CFAP54: variants seen among roughly 807,000 people sequenced by gnomAD.
CFAP54 encodes the protein cilia and flagella associated protein 54, also known as cilia- and flagella-associated protein 54.
In CFAP54, 290 loss-of-function variants were observed where a neutral mutation model predicts 370.4. That is an observed-to-expected ratio of 0.78 (90% CI 0.71 to 0.86). CFAP54 has a LOEUF of 0.86. Ranked by LOEUF, CFAP54 falls within the 40% of genes least tolerant of loss-of-function variation. The pLI is 0.00. For synonymous variants in CFAP54, 1,206 were observed against 1,236.5 expected (o/e 0.98, Z 0.52); for missense variants, 3,399 against 3,528.7 (o/e 0.96, Z 0.93).
At chr12:96,731,877 TTAAA>T (rs1487853175) in intron 50 of CFAP54, among the ~76,000 whole-genome samples, 1 of 151,850 alleles carries the variant, frequency 6.6e-6, no homozygotes, top group East Asian at 1.9e-4. Flanking sequence ...GCAACAAACT[TTAAA>T]AAAAAAGATC....
chr12:96,779,884 T>C (rs1330181159), intron 60 of CFAP54, among the ~76,000 whole-genome samples: 1 of 151,936 alleles, frequency 6.6e-6, no homozygotes, highest in East Asian at 1.9e-4. Context: ...TATGCAGTAG[T>C]CTAGATTGCA....
chr12:96,538,728 G>C, intron 13 of CFAP54: 1 of 518,400 alleles, frequency 1.9e-6, no homozygotes, highest in Non-Finnish European at 3.3e-6. Context: ...AATTTTGTTT[G>C]TTGTGAGGAG....
chr12:96,862,227 T>C (rs973680132), intron 67 of CFAP54, among the ~76,000 whole-genome samples: 1 of 152,184 alleles, frequency 6.6e-6, no homozygotes, highest in Non-Finnish European at 1.5e-5. Flanking sequence ...TAGCAAAGCA[T>C]TTAAGGATAA....
At chr12:96,732,743 A>G (rs1957935305) in intron 50 of CFAP54, among the ~76,000 whole-genome samples, 1 of 152,224 alleles carries the variant, frequency 6.6e-6, no homozygotes, top group South Asian at 2.1e-4. Flanking sequence ...ATGTATAGCT[A>G]TCTTTAAGGA....
chr12:96,547,996 G>T lies in CFAP54; in HGVS notation c.2154+18G>T, dbSNP rs1955658575. 1 of 1,191,740 alleles carries T rather than the reference G, an allele frequency of 8.4e-7. No individual in the cohort carries two copies. Among genetic ancestry groups the T allele is most frequent in the Non-Finnish European group, 1.1e-6 (1 of 870,900 alleles). The allele number at this position is 1,191,740 out of a possible 1,614,324, so 73.8% of individuals were successfully genotyped here. On this transcript the variant is annotated intron_variant, in intron 15 of 67. Coordinates refer to ENST00000524981, the MANE Select transcript of CFAP54 (RefSeq NM_001306084.2). ...TATTACAGGTATTACTACATATTTA[G>T]AAAATTTAGGTGAAACATGCAATTT...
At chr12:96,611,853 A>G (rs1418946408) in intron 26 of CFAP54, among the ~76,000 whole-genome samples, 1 of 152,228 alleles carries the variant, frequency 6.6e-6, no homozygotes, top group Non-Finnish European at 1.5e-5. Flanking sequence ...AAAAAAGAGT[A>G]AAAATAAATG....
intron 17 of CFAP54, among the ~76,000 whole-genome samples, chr12:96,558,086 T>TAG (rs1337097516): frequency 1.3e-5 from 2 of 152,118 alleles, no homozygotes; most frequent in Non-Finnish European, 2.9e-5. Flanking sequence ...AGCATATAGG[T>TAG]AGATGTAAGT....
At chr12:96,798,285 T>C (rs1462084516) in intron 63 of CFAP54, among the ~76,000 whole-genome samples, 1 of 152,078 alleles carries the variant, frequency 6.6e-6, no homozygotes. Context: ...AGAATTTCCT[T>C]TGGTGAGGAT....
intron 43 of CFAP54, 144 bp from the exon 44 acceptor site, chr12:96,690,984 A>G: frequency 3.0e-6 from 2 of 668,672 alleles, no homozygotes; most frequent in South Asian, 4.2e-5. Context: ...GATAATATAA[A>G]TGATAAGTAC....
chr12:96,553,350 A>G (rs1955716251), intron 15 of CFAP54, among the ~76,000 whole-genome samples: 1 of 152,054 alleles, frequency 6.6e-6, no homozygotes, highest in South Asian at 2.1e-4. Context: ...GTGATATTGC[A>G]TATGGTTAAG....
At chr12:96,762,796 G>T (rs112806198) in intron 58 of CFAP54, among the ~76,000 whole-genome samples, 1,729 of 150,684 alleles carry the variant, frequency 0.011, 21 homozygotes, top group Middle Eastern at 0.027. Context: ...TTTTTATCTT[G>T]GAATGGGGTT....
intron 32 of CFAP54, among the ~76,000 whole-genome samples, chr12:96,631,430 G>A (rs1956606470): frequency 6.6e-6 from 1 of 151,606 alleles, no homozygotes; most frequent in Admixed American, 6.6e-5. Context: ...ACATATGTAT[G>A]TAGCCCCAAA....
chr12:96,558,630 A>G (rs1444196716), intron 17 of CFAP54, among the ~76,000 whole-genome samples: 2 of 152,156 alleles, frequency 1.3e-5, no homozygotes, highest in Non-Finnish European at 2.9e-5. Flanking sequence ...CACTGGAGAA[A>G]AGACAGTCTT....
chr12:96,746,343 C>G (rs557283322), intron 55 of CFAP54, among the ~76,000 whole-genome samples: 7 of 152,226 alleles, frequency 4.6e-5, no homozygotes, highest in African/African-American at 1.7e-4. Context: ...AGAGTCTGCT[C>G]TCTTCCTCTT....
At chr12:96,724,368 C>T (rs1273624470) in intron 50 of CFAP54, among the ~76,000 whole-genome samples, 1 of 151,896 alleles carries the variant, frequency 6.6e-6, no homozygotes, top group East Asian at 1.9e-4. Flanking sequence ...GATTGCCATT[C>T]TAACTGGTGT....
intron 42 of CFAP54, 93 bp downstream of exon 42, chr12:96,685,331 A>G (rs1013309540): frequency 9.3e-7 from 1 of 1,078,892 alleles, no homozygotes; most frequent in South Asian, 1.4e-5. Context: ...CCTCATGCAC[A>G]CTGGATTTCT....
intron 27 of CFAP54, among the ~76,000 whole-genome samples, 161 bp downstream of exon 27, chr12:96,621,882 T>G (rs961217817): frequency 2.4e-5 from 3 of 123,180 alleles, no homozygotes; most frequent in African/African-American, 9.7e-5. Context: ...TTTGTTTTTT[T>G]TTTTTTTTTT....
chr12:96,664,622 ATGTGTGTGTG>A (rs55839375), intron 39 of CFAP54, among the ~76,000 whole-genome samples: 13 of 115,240 alleles, frequency 1.1e-4, no homozygotes, highest in African/African-American at 3.2e-4. Flanking sequence ...CCAAGAACGT[ATGTGTGTGTG>A]TGTGTGTGTG....
At chr12:96,632,102 C>A (rs1341264847) in intron 32 of CFAP54, among the ~76,000 whole-genome samples, 1 of 151,890 alleles carries the variant, frequency 6.6e-6, no homozygotes, top group Non-Finnish European at 1.5e-5. Flanking sequence ...GGTTAGGCAT[C>A]TTTTCATATT....
Sources: gnomAD v4.1 joint callset for allele counts (sites outside exome capture counted in the v4.1 genomes callset) on GRCh38, gnomAD v4.1.1 for gene constraint, MANE v1.5 for transcripts, NCBI Gene and HGNC (gene_info 2026-07-23, HGNC 2026-07-21) for gene names.